Variants in CCDC112 observed in about 807,000 individuals in gnomAD.
CCDC112 encodes the protein coiled-coil domain containing 112.
Under a neutral mutation model 66.3 loss-of-function variants are expected in CCDC112, and 40 were observed. That is an observed-to-expected ratio of 0.60 (90% confidence interval 0.47 to 0.79). The LOEUF (loss-of-function observed/expected upper bound fraction) is 0.79, where lower values mean the gene tolerates loss of function less well. Among genes scored for constraint, CCDC112 ranks in the 30% least tolerant of loss-of-function variants. The probability of loss-of-function intolerance (pLI) is 0.00; values close to 1 mark genes in which losing one functional copy is unlikely to be tolerated. For synonymous variants in CCDC112, 214 were observed against 197.2 expected, an observed-to-expected ratio of 1.09 and a Z score of -0.71; for missense variants, 659 against 603.8, an observed-to-expected ratio of 1.09 and a Z score of -0.96.
intron 9 of CCDC112, among the ~76,000 whole-genome samples, chr5:115,268,465 G>T (rs1748850752): frequency 6.6e-6 from 1 of 151,638 alleles, no homozygotes; most frequent in Non-Finnish European, 1.5e-5. Flanking sequence ...TAGAGATGGG[G>T]TTTCACTATG....
At position 115,275,507 on chromosome 5, in the gene CCDC112, C is replaced by A. The variant is rs191617313; in HGVS notation, c.627G>T (p.Glu209Asp). ...TGCTTGAGATTGCTCTGAAAGCTTT[C>A]TCTGTTTCTGAATTACCCAAAGCCC... ...DTWALGNSET[E>D]KAFRAISSKV... The change falls in exon 6 of 10, where the codon GAG (glutamate) becomes GAT (aspartate). Residue 209 changes from glutamate to aspartate, a missense_variant. Transcript: ENST00000379611. 2.9e-4 allele frequency: 464 copies of A among 1,613,928 alleles called. 1 individual carries two copies. Among genetic ancestry groups the A allele is most frequent in the Admixed American group, 9.2e-4 (55 of 60,002 alleles).
intron 3 of CCDC112, among the ~76,000 whole-genome samples, chr5:115,278,539 A>C (rs2127060153): frequency 6.6e-6 from 1 of 152,274 alleles, no homozygotes; most frequent in South Asian, 2.1e-4. Context: ...GTACAAATAA[A>C]GTTGCCATAA....
Position 115,271,221 on chromosome 5 carries a change from G to A in CCDC112, c.1324C>T (p.Gln442Ter). 1 of 1,578,624 alleles carries A rather than the reference G, an allele frequency of 6.3e-7. No individual in the cohort carries two copies. The highest frequency in any genetic ancestry group is 2.2e-5 in the East Asian group (1 of 44,602). Residue 442 changes from glutamine to a stop codon, truncating the protein, a stop_gained, in exon 7 of 10, where the codon CAA becomes TAA. Transcript: ENST00000379611. LOFTEE classifies it high-confidence loss of function. ...GAAATAGATTTACTCACTCTTTCTTGAAATCTGGAAATTTCATCAGCAGCA... is the reference window on the plus strand; with the variant it reads ...GAAATAGATTTACTCACTCTTTCTTAAAATCTGGAAATTTCATCAGCAGCA... ...KNAADEISRF[Q>*]ERDLHKLELK...
At chr5:115,295,736 G>C (rs1420365826) in intron 1 of CCDC112, among the ~76,000 whole-genome samples, 1 of 152,068 alleles carries the variant, frequency 6.6e-6, no homozygotes, top group East Asian at 1.9e-4. Flanking sequence ...GAGGGTGAGG[G>C]GTGTGAGGAG....
At chr5:115,295,421 CAG>C (rs143104670) in intron 1 of CCDC112, among the ~76,000 whole-genome samples, 1,667 of 152,084 alleles carry the variant, frequency 0.011, 19 homozygotes, top group Non-Finnish European at 0.016. Context: ...ATACTTGGGA[CAG>C]AGTTAGAATA....
chr5:115,293,146 G>A (rs1000096384), intron 1 of CCDC112, among the ~76,000 whole-genome samples: 1 of 152,194 alleles, frequency 6.6e-6, no homozygotes, highest in Non-Finnish European at 1.5e-5. Context: ...ATCTAACACA[G>A]AGTAGAACAA....
Position 115,269,757 on chromosome 5 carries a change from T to G in CCDC112, c.1374A>C (p.Ala458=), listed in dbSNP as rs1297155094. Residue 458 remains alanine, a synonymous_variant, in exon 8 of 10, where the codon GCA becomes GCC. Coordinates refer to ENST00000379611, the MANE Select transcript of CCDC112 (RefSeq NM_001040440.3). ...KLELKILDRQ[A]KEDEKSQKQR... ...GTTTTTGTGACTTTTCATCTTCCTT[T>G]GCCTGTCTATCTAGAATTTTCAGTT... The G allele has an allele frequency of 6.2e-7, 1 of 1,600,216 alleles. No homozygotes were observed. The highest frequency in any genetic ancestry group is 2.2e-5 in the East Asian group (1 of 44,504).
intron 2 of CCDC112, among the ~76,000 whole-genome samples, chr5:115,282,950 TA>T (rs1476492087): frequency 6.6e-6 from 1 of 152,130 alleles, no homozygotes; most frequent in Non-Finnish European, 1.5e-5. Flanking sequence ...TCCAATGCCC[TA>T]AAACAGATGA....
intron 1 of CCDC112, chr5:115,289,028 C>T (rs950925615): frequency 3.5e-5 from 10 of 289,750 alleles, no homozygotes; most frequent in Admixed American, 3.0e-4. Flanking sequence ...ATTTTATTGC[C>T]AGACAGACTT....
intron 1 of CCDC112, among the ~76,000 whole-genome samples, chr5:115,293,157 T>C (rs1276078972): frequency 6.6e-6 from 1 of 152,126 alleles, no homozygotes; most frequent in African/African-American, 2.4e-5. Flanking sequence ...AGTAGAACAA[T>C]AGTTGCCAGA....
rs1270073891 is a variant in CCDC112 at position 115,275,445 on chromosome 5, G to A, written c.689C>T (p.Pro230Leu). The A allele has an allele frequency of 5.6e-6, 9 of 1,613,810 alleles. No homozygotes were observed. The highest frequency in any genetic ancestry group is 7.6e-6 in the Non-Finnish European group (9 of 1,179,954). Residue 230 changes from proline to leucine, a missense_variant, in exon 6 of 10, where the codon CCA (proline) becomes CTA (leucine). Transcript: ENST00000379611. ...TTTTTCAAAATCTAGTACCTCTTCT[G>A]GAAGAGTACTTGGTGTTACTTTGTC... ...PVDKVTPSTLPEEVLDFEKFL... is the reference protein window; with the variant it reads ...PVDKVTPSTLLEEVLDFEKFL...
At chr5:115,269,836 G>A in intron 7 of CCDC112, 38 bp from the exon 8 acceptor site, 2 of 1,295,382 alleles carry the variant, frequency 1.5e-6, no homozygotes, top group Non-Finnish European at 1.1e-6. Context: ...GAAAGCATGT[G>A]AACTAGAATT....
intron 6 of CCDC112, 49 bp from the exon 7 acceptor site, chr5:115,271,675 T>A: frequency 1.7e-6 from 2 of 1,198,258 alleles, no homozygotes; most frequent in Non-Finnish European, 2.3e-6. Flanking sequence ...AGTTTTTTAA[T>A]AGCCAAAAGT....
chr5:115,296,401 G>A (rs1421468819), intron 1 of CCDC112, 26 bp downstream of exon 1: 1 of 1,561,650 alleles, frequency 6.4e-7, no homozygotes, highest in Admixed American at 1.8e-5. Flanking sequence ...TGCCGCCAGA[G>A]CAGCTCTCGG....
intron 2 of CCDC112, 71 bp from the exon 3 acceptor site, chr5:115,279,839 C>A: frequency 6.2e-6 from 5 of 808,838 alleles, no homozygotes; most frequent in Non-Finnish European, 9.5e-6. Context: ...TATGAAGACA[C>A]TCAATAATCC....
chr5:115,290,303 G>GT (rs145432723), intron 1 of CCDC112, among the ~76,000 whole-genome samples: 1,596 of 152,290 alleles, frequency 0.01, 32 homozygotes, highest in African/African-American at 0.036. Context: ...AACTGTAGGT[G>GT]TATGTCTTGA....
At position 115,284,652 on chromosome 5, in the gene CCDC112, G is replaced by T. The variant is rs958500813; in HGVS notation, c.239+135C>A. The T allele has an allele frequency of 1.4e-5, 8 of 556,874 alleles. No homozygotes were observed. The African/African-American group carries it at 1.5e-4, about 10-fold the overall frequency. The allele number at this position is 556,874 out of a possible 1,614,324, so 34.5% of individuals were successfully genotyped here. On this transcript the variant is annotated intron_variant, in intron 2 of 9. Coordinates refer to ENST00000379611, the MANE Select transcript of CCDC112 (RefSeq NM_001040440.3). ...ATTTCATACCTCCCATCTTTCTCTT[G>T]TTATATTTGACAGGCTAGTGATTAC...
chr5:115,290,273 T>C (rs763001956), intron 1 of CCDC112, among the ~76,000 whole-genome samples: 11 of 152,290 alleles, frequency 7.2e-5, no homozygotes, highest in Non-Finnish European at 1.3e-4. Context: ...GGCACCCTTT[T>C]GAAAATCATC....
At chr5:115,281,087 G>A (rs1414702424) in intron 2 of CCDC112, among the ~76,000 whole-genome samples, 1 of 150,602 alleles carries the variant, frequency 6.6e-6, no homozygotes, top group Non-Finnish European at 1.5e-5. Context: ...GCAGTGGTGC[G>A]ATTTCAGCTC....
Sources: allele counts gnomAD v4.1 joint callset (sites outside exome capture counted in the v4.1 genomes callset), GRCh38; gene constraint gnomAD v4.1.1; transcripts MANE v1.5; gene names NCBI Gene and HGNC (gene_info 2026-07-23, HGNC 2026-07-21).